Variants in RFC5 observed in about 807,000 individuals in gnomAD.
The protein encoded by RFC5 is A1 36 kDa subunit.
In RFC5, 26 loss-of-function variants were observed where a neutral mutation model predicts 44.3. The observed-to-expected ratio is 0.59, with a 90% CI of 0.43 to 0.81. RFC5 has a LOEUF of 0.81. RFC5 is among the 40% of genes least tolerant of loss of function. RFC5 has a pLI of 0.00. For synonymous variants in RFC5, 155 were observed against 155.2 expected (o/e 1.00, Z 0.01); for missense variants, 328 against 418.6 (o/e 0.78, Z 1.89).
chr12:118,034,272 A>C (rs2137757590), downstream of RFC5: 1 of 1,614,234 alleles, frequency 6.2e-7, no homozygotes, highest in Non-Finnish European at 8.5e-7. Context: ...AGTTGTTAGG[A>C]AACTTCGAAG....
At position 118,024,948 on chromosome 12, in the gene RFC5, G is replaced by C. The variant is rs1382980504; in HGVS notation, c.519G>C (p.Arg173=). ...TGCAGTCCCGCTGCACGAGGTTTCG[G>C]TTCGGTCCCCTGACTCCTGAACTCA... is the stretch of plus-strand genomic sequence containing the variant. ...PALQSRCTRF[R]FGPLTPELMV... Residue 173 remains arginine (R), a synonymous_variant, in exon 6 of 11, where the codon CGG becomes CGC. Coordinates refer to ENST00000454402, the MANE Select transcript of RFC5 (RefSeq NM_007370.7). 35 of 1,613,968 alleles carry C rather than the reference G, an allele frequency of 2.2e-5. No individual in the cohort carries two copies. The highest frequency in any genetic ancestry group is 2.9e-5 in the Non-Finnish European group (34 of 1,180,000).
rs1030193513 is a variant in RFC5 at position 118,031,412 on chromosome 12, G to A, written c.*134G>A. ...GAATCTTGGAAAAACCCCCTTCCAG[G>A]AGAGGATGGGCAGGCATTTAAAAAG... On this transcript the variant is annotated 3_prime_UTR_variant, in exon 11 of 11. Coordinates refer to ENST00000454402, the MANE Select transcript of RFC5 (RefSeq NM_007370.7). The A allele has an allele frequency of 5.2e-5, 29 of 554,168 alleles. No homozygotes were observed. The highest frequency in any genetic ancestry group is 4.2e-4 in the African/African-American group (22 of 52,734). 34.3% of individuals were successfully genotyped at this position (554,168 alleles called of 1,614,324 possible). A position where few individuals can be genotyped will look rare whatever the true frequency, so the allele number is the denominator to read the frequency against.
chr12:118,025,621 A>G (rs1385527485), intron 6 of RFC5, 126 bp from the exon 7 acceptor site: 2 of 642,322 alleles, frequency 3.1e-6, no homozygotes, highest in Admixed American at 5.2e-5. Context: ...TCAGGAGATT[A>G]TTAACTCTGT....
At chr12:118,036,554 C>T, downstream of RFC5, 1 of 1,560,012 alleles carries the variant, frequency 6.4e-7, no homozygotes, top group Non-Finnish European at 8.7e-7. Flanking sequence ...AAGCAAAGTG[C>T]TTAGGACTCA....
chr12:118,019,658 C>T lies in RFC5; in HGVS notation c.157C>T (p.Leu53=), dbSNP rs1420157755. Residue 53 remains leucine, a synonymous_variant, in exon 3 of 11, where the codon CTG becomes TTG. Coordinates refer to ENST00000454402, the MANE Select transcript of RFC5 (RefSeq NM_007370.7). This position sits in a 1 kb window ranked among gnomAD's most constrained non-coding sequence, Gnocchi z 4.2. The part of the protein sequence containing the change: ...TIQKFINEDR[L]PHLLLYGPPG... Reference sequence around the variant, plus strand: ...TCAGAAGTTTATCAATGAAGACCGACTGCCACACTTGCTTCTCTACGGTCC... The same window carrying T: ...TCAGAAGTTTATCAATGAAGACCGATTGCCACACTTGCTTCTCTACGGTCC... 1.2e-6 allele frequency: 2 copies of T among 1,613,972 alleles called. No homozygotes were observed. The highest frequency in any genetic ancestry group is 1.1e-5 in the South Asian group (1 of 91,082).
chr12:118,017,922 T>TC, intron 1 of RFC5: 1 of 676,880 alleles, frequency 1.5e-6, no homozygotes, highest in Non-Finnish European at 2.7e-6. Context: ...GCTATCTAGT[T>TC]CCAAAATTTC....
chr12:118,038,428 C>A, the RFC5 span: 2 of 1,592,080 alleles, frequency 1.3e-6, no homozygotes, highest in East Asian at 2.2e-5. Flanking sequence ...CAGTCCTCAA[C>A]AAAGCAGGAA....
downstream of RFC5, chr12:118,035,341 C>T: frequency 6.2e-7 from 1 of 1,610,760 alleles, no homozygotes; most frequent in Middle Eastern, 1.8e-4. Flanking sequence ...AGGAAAGAAA[C>T]AGGATGGCAG....
chr12:118,035,408 C>A, downstream of RFC5: 1 of 1,215,410 alleles, frequency 8.2e-7, no homozygotes. Context: ...GGAAGCCAAA[C>A]TGCCCTGGCT....
chr12:118,032,536 T>A (rs1052862079), downstream of RFC5: 1 of 152,208 alleles, frequency 6.6e-6, no homozygotes, highest in Admixed American at 6.5e-5. Flanking sequence ...GACACGATCG[T>A]GGCTCGCTAC....
Position 118,031,248 on chromosome 12 carries a change from C to A in RFC5, c.993C>A (p.Val331=). 6.2e-7 allele frequency: 1 copy of A among 1,613,548 alleles called. No individual in the cohort carries two copies. Among genetic ancestry groups the A allele is most frequent in the Non-Finnish European group, 8.5e-7 (1 of 1,179,550 alleles). ...QLSSLIAAFQ[V]TRDLIVAEA The stretch of plus-strand genomic sequence containing the variant: ...GCTCCCTCATTGCTGCATTTCAAGT[C>A]ACCAGAGACCTGATTGTTGCAGAGG... The change falls in exon 11 of 11, where the codon GTC becomes GTA. Residue 331 remains valine, a synonymous_variant. Coordinates refer to ENST00000454402, the MANE Select transcript of RFC5 (RefSeq NM_007370.7).
chr12:118,029,390 T>A (rs2031169279), intron 9 of RFC5, among the ~76,000 whole-genome samples: 1 of 152,078 alleles, frequency 6.6e-6, no homozygotes, highest in Non-Finnish European at 1.5e-5. Context: ...GCCATGGCAC[T>A]CCAGCCTGGG....
At chr12:118,030,266 A>G (rs5745885) in intron 10 of RFC5, among the ~76,000 whole-genome samples, 2,203 of 152,316 alleles carry the variant, frequency 0.014, 38 homozygotes, top group Middle Eastern at 0.071. Context: ...GGCAGCTATC[A>G]TTTAAGTAGA....
the RFC5 span, chr12:118,038,276 C>T: frequency 6.2e-7 from 1 of 1,611,580 alleles, no homozygotes; most frequent in Non-Finnish European, 8.5e-7. Context: ...AGCAATAACG[C>T]TGGAGACTCA....
chr12:118,025,914 T>C lies in RFC5; in HGVS notation c.663+86T>C. 3.7e-6 allele frequency: 3 copies of C among 805,274 alleles called. No individual in the cohort carries two copies. The South Asian group carries it at 4.4e-5, about 12-fold the overall frequency. 49.9% of individuals were successfully genotyped at this position (805,274 alleles called of 1,614,324 possible). ...CTCAGGCTGGAGTGCAGCAACACAA[T>C]CTCAGCTCACTGCAACCTCCGCCTC... On this transcript the variant is annotated intron_variant, in intron 7 of 10. Coordinates refer to ENST00000454402, the MANE Select transcript of RFC5 (RefSeq NM_007370.7).
intron 9 of RFC5, among the ~76,000 whole-genome samples, chr12:118,028,504 A>AAC (rs2031108087): frequency 6.6e-6 from 1 of 151,550 alleles, no homozygotes; most frequent in East Asian, 1.9e-4. Flanking sequence ...ACAAAACAAA[A>AAC]CACAAAAAAC....
the RFC5 span, among the ~76,000 whole-genome samples, chr12:118,040,654 C>CAA: frequency 3.8e-4 from 46 of 120,014 alleles, no homozygotes; most frequent in East Asian, 2.2e-3. Flanking sequence ...GGCTCTGTCT[C>CAA]AAAAAAAAAA....
At position 118,019,286 on chromosome 12, in the gene RFC5, G is replaced by T; in HGVS notation, c.130+150G>T. 1.4e-6 allele frequency: 1 copy of T among 691,132 alleles called. No homozygotes were observed. Among genetic ancestry groups the T allele is most frequent in the South Asian group, 1.7e-5 (1 of 58,634 alleles). The allele number at this position is 691,132 out of a possible 1,614,324, so 42.8% of individuals were successfully genotyped here. ...AAGATCATTCATTCATTTTCTTCAGGTTGCTACAGTCCAGTGGGTAAGTCA... is the reference window on the plus strand; with the variant it reads ...AAGATCATTCATTCATTTTCTTCAGTTTGCTACAGTCCAGTGGGTAAGTCA... On this transcript the variant is annotated intron_variant, in intron 2 of 10. Transcript: ENST00000454402. This position sits in a 1 kb window ranked among gnomAD's most constrained non-coding sequence, Gnocchi z 4.2.
intron 7 of RFC5, 68 bp downstream of exon 7, chr12:118,025,896 T>A (rs2030906177): frequency 1.0e-6 from 1 of 958,190 alleles, no homozygotes; most frequent in Admixed American, 1.8e-5. Context: ...TCGCTCAGGC[T>A]GGAGTGCAGC....
Sources: gnomAD v4.1 joint callset for allele counts (sites outside exome capture counted in the v4.1 genomes callset) on GRCh38, gnomAD v4.1.1 for gene constraint, Gnocchi (gnomAD v3.1) non-coding constraint, MANE v1.5 for transcripts, NCBI Gene and HGNC (gene_info 2026-07-23, HGNC 2026-07-21) for gene names.